Variants in SEL1L observed in about 807,000 individuals in gnomAD.
The protein encoded by SEL1L is SEL1L adaptor subunit of SYVN1 ubiquitin ligase, also known as protein sel-1 homolog 1.
Under a neutral mutation model 109.8 loss-of-function variants are expected in SEL1L, and 52 were observed. The ratio of observed to expected loss-of-function variants is 0.47; its 90% CI spans 0.38 to 0.60. The LOEUF is 0.60. Among genes scored for constraint, SEL1L ranks in the 20% least tolerant of loss-of-function variants. The probability of loss-of-function intolerance (pLI) is 0.00; values close to 1 mark genes in which losing one functional copy is unlikely to be tolerated. For missense variants in SEL1L, 749 were observed against 962.2 expected (o/e 0.78, Z 2.93); for synonymous variants, 373 against 339.6 (o/e 1.10, Z -1.08).
intron 3 of SEL1L, 152 bp from the exon 4 acceptor site, chr14:81,506,393 G>C: frequency 1.5e-6 from 1 of 669,812 alleles, no homozygotes; most frequent in Non-Finnish European, 2.4e-6. Context: ...CAATGATTTT[G>C]ATTAGGGAGG....
intron 3 of SEL1L, among the ~76,000 whole-genome samples, chr14:81,506,485 T>C (rs1884243271): frequency 6.6e-6 from 1 of 152,198 alleles, no homozygotes; most frequent in Non-Finnish European, 1.5e-5. Context: ...AAGTTCCTGA[T>C]ATATAACCTT....
chr14:81,522,207 A>C (rs748619955), intron 3 of SEL1L, among the ~76,000 whole-genome samples: 1 of 152,216 alleles, frequency 6.6e-6, no homozygotes, highest in Non-Finnish European at 1.5e-5. Context: ...TTACTATTGA[A>C]AAAAAATTTT....
At chr14:81,477,301 C>CAATG in intron 20 of SEL1L, 120 bp from the exon 21 acceptor site, 1 of 459,164 alleles carries the variant, frequency 2.2e-6, no homozygotes. Context: ...AAACGTTTTG[C>CAATG]AATGTGTGTG....
intron 4 of SEL1L, among the ~76,000 whole-genome samples, chr14:81,504,830 A>G (rs750429023): frequency 6.6e-6 from 1 of 152,034 alleles, no homozygotes; most frequent in Non-Finnish European, 1.5e-5. Context: ...ATTTGAAAGT[A>G]TGTGGCACCT....
chr14:81,510,554 T>C (rs1884438662), intron 3 of SEL1L, among the ~76,000 whole-genome samples: 1 of 149,732 alleles, frequency 6.7e-6, no homozygotes, highest in African/African-American at 2.5e-5. Context: ...TAGGGGAATA[T>C]AAGCACATCT....
Position 81,502,650 on chromosome 14 carries a change from T to G in SEL1L, c.777+71A>C, listed in dbSNP as rs2140018494. The G allele has an allele frequency of 1.2e-5, 17 of 1,458,786 alleles. No homozygotes were observed. In the South Asian group the frequency reaches 2.3e-4, roughly 20 times the overall value. 90.4% of individuals were successfully genotyped at this position (1,458,786 alleles called of 1,614,324 possible). A position where few individuals can be genotyped will look rare whatever the true frequency, so the allele number is the denominator to read the frequency against. ...TGACTTTTTAAAAGAAGTCAGGACA[T>G]AGAGAGTAAACTGCTTTTAAAACTA... On this transcript the variant is annotated intron_variant, in intron 6 of 20. Coordinates refer to ENST00000336735, the MANE Select transcript of SEL1L (RefSeq NM_005065.6).
chr14:81,516,632 A>G (rs1171579649), intron 3 of SEL1L, among the ~76,000 whole-genome samples: 1 of 152,156 alleles, frequency 6.6e-6, no homozygotes, highest in African/African-American at 2.4e-5. Context: ...CCGTACAAAC[A>G]TGTGGTTTAC....
chr14:81,479,269 G>C (rs1341800408), intron 20 of SEL1L: 5 of 160,018 alleles, frequency 3.1e-5, no homozygotes, highest in African/African-American at 1.2e-4. Flanking sequence ...CTTTTTAAGG[G>C]ACTGGTTTGA....
At position 81,487,409 on chromosome 14, in the gene SEL1L, G is replaced by T; in HGVS notation, c.1613C>A (p.Ser538Ter). The change falls in exon 16 of 21, where the codon TCA becomes TAA. Residue 538 changes from serine to a stop codon, truncating the protein, a stop_gained. Transcript: ENST00000336735. LOFTEE classifies it high-confidence loss of function. ...MHASGTGVMRSCHTAVELFKN... is the reference protein window; with the variant it reads ...MHASGTGVMR The stretch of plus-strand genomic sequence containing the variant: ...CCTTACCTCCACTGCAGTGTGACAT[G>T]ATCGCATCACGCCGGTGCCACTGGC... 2 of 1,592,046 alleles carry T rather than the reference G, an allele frequency of 1.3e-6. No homozygotes were observed. Among genetic ancestry groups the T allele is most frequent in the Non-Finnish European group, 1.7e-6 (2 of 1,174,886 alleles).
At position 81,510,514 on chromosome 14, in the gene SEL1L, C is replaced by CTCTCTCTCTCTATA. The variant is rs35474067; in HGVS notation, c.341-4274_341-4273insTATAGAGAGAGAGA. Among the ~76,000 whole-genome samples, 478 of 104,016 alleles carry CTCTCTCTCTCTATA rather than the reference C, an allele frequency of 4.6e-3. 1 individual carries two copies. Among genetic ancestry groups the CTCTCTCTCTCTATA allele is most frequent in the Non-Finnish European group, 7.5e-3 (377 of 50,214 alleles). 68.2% of individuals were successfully genotyped at this position (104,016 alleles called of 152,430 possible). On this transcript the variant is annotated intron_variant, in intron 3 of 20. Transcript: ENST00000336735. The stretch of plus-strand genomic sequence containing the variant: ...TCTCTCTCTCTCTCTCTCTCTCTCT[C>CTCTCTCTCTCTATA]TATATATATATATATAGACAATTAA...
chr14:81,511,047 G>C (rs908935293), intron 3 of SEL1L, among the ~76,000 whole-genome samples: 1 of 152,184 alleles, frequency 6.6e-6, no homozygotes, highest in African/African-American at 2.4e-5. Flanking sequence ...CTGGGAATAT[G>C]CTATAGTAAT....
At position 81,477,074 on chromosome 14, in the gene SEL1L, G is replaced by A; in HGVS notation, c.2283C>T (p.Tyr761=). The A allele has an allele frequency of 6.2e-7, 1 of 1,614,168 alleles. No individual in the cohort carries two copies. The highest frequency in any genetic ancestry group is 8.5e-7 in the Non-Finnish European group (1 of 1,180,038). The change falls in exon 21 of 21, where the codon TAC becomes TAT. Residue 761 remains tyrosine (Y), a synonymous_variant. Coordinates refer to ENST00000336735, the MANE Select transcript of SEL1L (RefSeq NM_005065.6). ...IALLLGTVIA[Y]RQRQHQDMPA... is the part of the protein sequence containing the mutation. Reference sequence around the variant, plus strand: ...GCATGTCTTGGTGCTGCCTTTGCCTGTAAGCTATGACTGTTCCCAACAGCA... The same window carrying A: ...GCATGTCTTGGTGCTGCCTTTGCCTATAAGCTATGACTGTTCCCAACAGCA...
At chr14:81,478,607 C>T (rs1903246996) in intron 20 of SEL1L, among the ~76,000 whole-genome samples, 1 of 152,188 alleles carries the variant, frequency 6.6e-6, no homozygotes, top group South Asian at 2.1e-4. Flanking sequence ...TTTCAATTGG[C>T]AGCGGTTACA....
intron 10 of SEL1L, 34 bp downstream of exon 10, chr14:81,497,858 G>C (rs565067673): frequency 6.3e-7 from 1 of 1,595,382 alleles, no homozygotes; most frequent in South Asian, 1.1e-5. Flanking sequence ...ATACAATGCA[G>C]TAAAGATATT....
In SEL1L at chr14:81,484,406, AAAGTT is replaced by A; in HGVS notation, c.1874-14_1874-10del. On this transcript the variant is annotated splice_polypyrimidine_tract_variant and intron_variant, in intron 18 of 20. Coordinates refer to ENST00000336735, the MANE Select transcript of SEL1L (RefSeq NM_005065.6). ...TCTAGCCACAGTATAGCCTTAAACA[AAAGTT>A]AAATGCAGAACTGCCAATAAATAAA... The A allele has an allele frequency of 6.2e-7, 1 of 1,601,158 alleles. No individual in the cohort carries two copies. Among genetic ancestry groups the A allele is most frequent in the Non-Finnish European group, 8.5e-7 (1 of 1,169,816 alleles).
At chr14:81,506,345 T>A (rs1199409259) in intron 3 of SEL1L, 104 bp from the exon 4 acceptor site, 2 of 943,558 alleles carry the variant, frequency 2.1e-6, no homozygotes, top group Non-Finnish European at 3.1e-6. Context: ...CAAAGATTCA[T>A]GATGCCTGAT....
chr14:81,495,080 C>A lies in SEL1L; in HGVS notation c.1185+1G>T. The A allele has an allele frequency of 6.2e-7, 1 of 1,613,688 alleles. No homozygotes were observed. Among genetic ancestry groups the A allele is most frequent in the Non-Finnish European group, 8.5e-7 (1 of 1,179,766 alleles). On this transcript the variant is annotated splice_donor_variant, in intron 11 of 20. Transcript: ENST00000336735. LOFTEE classifies it high-confidence loss of function. ...CAAAGCCCTAGGAACAGGGTAGTTA[C>A]CTGATGATTCTGTTCTACTCCACGC...
chr14:81,487,974 C>T lies in SEL1L; in HGVS notation c.1396-32G>A, dbSNP rs1337214593. 3.3e-6 allele frequency: 5 copies of T among 1,519,672 alleles called. No individual in the cohort carries two copies. In the South Asian group the frequency reaches 3.5e-5, roughly 11 times the overall value. 94.1% of individuals were successfully genotyped at this position (1,519,672 alleles called of 1,614,324 possible). A position where few individuals can be genotyped will look rare whatever the true frequency, so the allele number is the denominator to read the frequency against. ...AAAAAGATGTCATATGATGAGAAAG[C>T]TCAAAAGGCAGACATACTCAAAAGT... On this transcript the variant is annotated intron_variant, in intron 14 of 20. Coordinates refer to ENST00000336735, the MANE Select transcript of SEL1L (RefSeq NM_005065.6).
At chr14:81,506,023 T>C (rs963911296) in intron 4 of SEL1L, 51 bp downstream of exon 4, 5 of 1,550,230 alleles carry the variant, frequency 3.2e-6, no homozygotes, top group South Asian at 1.2e-5. Flanking sequence ...TTAAAAACAT[T>C]GCCCTAGACA....
Sources: gnomAD v4.1 joint callset for allele counts (sites outside exome capture counted in the v4.1 genomes callset) on GRCh38, gnomAD v4.1.1 for gene constraint, MANE v1.5 for transcripts, NCBI Gene and HGNC (gene_info 2026-07-23, HGNC 2026-07-21) for gene names.